The following DNAH14 variants were observed in gnomAD, a reference collection of about 807,000 sequenced individuals.
DNAH14 encodes the protein dynein axonemal heavy chain 14, also known as axonemal beta dynein heavy chain 14.
A neutral mutation model predicts 520.9 loss-of-function variants in DNAH14; 478 were observed. The observed-to-expected ratio is 0.92, with a 90% CI of 0.85 to 0.99. The LOEUF is 0.99. Among genes scored for constraint, DNAH14 ranks in the 50% least tolerant of loss-of-function variants. DNAH14 has a pLI of 0.00. For synonymous variants in DNAH14, 1,581 were observed against 1,757.2 expected, an observed-to-expected ratio of 0.90 and a Z score of 2.51; for missense variants, 4,831 against 5,234.5, an observed-to-expected ratio of 0.92 and a Z score of 2.38.
chr1:225,114,615 C>T (rs1408805954), intron 23 of DNAH14, among the ~76,000 whole-genome samples: 1 of 152,152 alleles, frequency 6.6e-6, no homozygotes, highest in East Asian at 1.9e-4. Flanking sequence ...TGTTTAGAAC[C>T]CTAGACCACT....
intron 17 of DNAH14, among the ~76,000 whole-genome samples, chr1:225,069,811 G>T (rs1280899791): frequency 6.6e-6 from 1 of 152,138 alleles, no homozygotes; most frequent in Non-Finnish European, 1.5e-5. Flanking sequence ...TCATCTGGTA[G>T]AATTCAACTG....
At chr1:225,338,995 C>T (rs1424663686) in intron 68 of DNAH14, among the ~76,000 whole-genome samples, 1 of 152,110 alleles carries the variant, frequency 6.6e-6, no homozygotes, top group Admixed American at 6.5e-5. Flanking sequence ...ATTATTACTC[C>T]TTAGAATTCT....
In DNAH14 at chr1:225,206,962, T is replaced by C. The variant is rs2087654364; in HGVS notation, c.6187-6T>C. 3 of 1,473,704 alleles carry C rather than the reference T, an allele frequency of 2.0e-6. No individual in the cohort carries two copies. The East Asian group carries it at 7.7e-5, about 38-fold the overall frequency. The allele number at this position is 1,473,704 out of a possible 1,614,324, so 91.3% of individuals were successfully genotyped here. A position where few individuals can be genotyped will look rare whatever the true frequency, so the allele number is the denominator to read the frequency against. On this transcript the variant is annotated splice_polypyrimidine_tract_variant and splice_region_variant and intron_variant, in intron 40 of 85. Transcript: ENST00000682510. ...CATAAGATTATATTTTGCTCCTTAT[T>C]ATTAGGATCCTGTTGATCTGGGATG...
intron 22 of DNAH14, among the ~76,000 whole-genome samples, chr1:225,098,304 A>G (rs547403902): frequency 1.3e-5 from 2 of 152,210 alleles, no homozygotes; most frequent in South Asian, 4.1e-4. Context: ...ACACCATACC[A>G]TTCAAATTCA....
At chr1:225,002,561 C>T (rs1267199440) in intron 8 of DNAH14, among the ~76,000 whole-genome samples, 1 of 152,072 alleles carries the variant, frequency 6.6e-6, no homozygotes, top group Non-Finnish European at 1.5e-5. Flanking sequence ...GTTTCCCCCT[C>T]CTATTTTGTT....
chr1:224,989,596 A>C (rs1309730363), intron 8 of DNAH14, among the ~76,000 whole-genome samples: 2 of 152,164 alleles, frequency 1.3e-5, no homozygotes, highest in Non-Finnish European at 2.9e-5. Flanking sequence ...AATTTCCAGC[A>C]TTATGTCGAA....
chr1:225,151,922 A>G, intron 31 of DNAH14, 83 bp from the exon 32 acceptor site: 1 of 1,142,812 alleles, frequency 8.8e-7, no homozygotes, highest in Non-Finnish European at 1.3e-6. Context: ...AGCCTTAATA[A>G]AGCTTCCAAA....
At chr1:224,943,545 T>G (rs1443348312) in intron 1 of DNAH14, among the ~76,000 whole-genome samples, 1 of 152,222 alleles carries the variant, frequency 6.6e-6, no homozygotes, top group South Asian at 2.1e-4. Flanking sequence ...AGCTTTTCAG[T>G]GTGTTTGCTC....
chr1:225,012,361 TTC>T (rs1365504271), intron 10 of DNAH14, among the ~76,000 whole-genome samples: 1 of 152,164 alleles, frequency 6.6e-6, no homozygotes, highest in African/African-American at 2.4e-5. Context: ...AACTCAACCT[TTC>T]TCTCTGGCTG....
At chr1:225,054,734 G>A (rs2068864743) in intron 17 of DNAH14, among the ~76,000 whole-genome samples, 1 of 151,966 alleles carries the variant, frequency 6.6e-6, no homozygotes, top group South Asian at 2.1e-4. Context: ...AACATTATAG[G>A]AATCTTTAAA....
chr1:225,050,354 C>G lies in DNAH14; in HGVS notation c.2057C>G (p.Thr686Arg). The part of the protein sequence containing the change: ...RWPDCHILFE[T>R]DPAYQNIIVN... ...CCAGATTGTCACATCCTTTTTGAAA[C>G]AGATCCTGCCTACCAAAATATAGTA... The change falls in exon 16 of 86, where the codon ACA becomes AGA. Residue 686 changes from threonine to arginine, a missense_variant. By Grantham distance (71) the Thr-to-Arg change is moderately conservative. Transcript: ENST00000682510. 8 of 1,544,340 alleles carry G rather than the reference C, an allele frequency of 5.2e-6. No individual in the cohort carries two copies. Among genetic ancestry groups the G allele is most frequent in the Non-Finnish European group, 7.0e-6 (8 of 1,144,770 alleles).
At chr1:225,339,205 G>A (rs1419219748) in intron 68 of DNAH14, among the ~76,000 whole-genome samples, 2 of 152,090 alleles carry the variant, frequency 1.3e-5, no homozygotes, top group Non-Finnish European at 2.9e-5. Flanking sequence ...CAGCTACATG[G>A]GAGGCTGAGG....
Position 225,059,692 on chromosome 1 carries a change from T to A in DNAH14, c.2424+7897T>A, listed in dbSNP as rs936690929. 5.9e-4 allele frequency among the ~76,000 whole-genome samples: 90 copies of A among 152,304 alleles called. No individual in the cohort carries two copies. The Middle Eastern group carries it at 0.01, about 17-fold the overall frequency. On this transcript the variant is annotated intron_variant, in intron 17 of 85. Transcript: ENST00000682510. ...GTTGTTCCTTTCCATGTTTAGTGCTTCCTTCAGGAGCTCTTTTAGGGCAGG... is the reference window on the plus strand; with the variant it reads ...GTTGTTCCTTTCCATGTTTAGTGCTACCTTCAGGAGCTCTTTTAGGGCAGG...
intron 11 of DNAH14, among the ~76,000 whole-genome samples, chr1:225,029,641 A>T (rs2449312): frequency 0.91 from 137,896 of 151,854 alleles, 64,037 homozygotes; most frequent in East Asian, 1. Context: ...ACAAAGAAGA[A>T]GTTTGGGGTA....
In DNAH14 at chr1:225,145,357, G is replaced by A. The variant is rs769683558; in HGVS notation, c.4772G>A (p.Cys1591Tyr). Residue 1591 changes from cysteine to tyrosine, a missense_variant, in exon 30 of 86, where the codon TGT becomes TAT. Transcript: ENST00000682510. ...SLGKHCVVFN[C>Y]FEDLDYKIVR... Reference sequence around the variant, plus strand: ...GGCAAACATTGTGTGGTCTTCAACTGTTTTGAGGATTTGGATTATAAGGTA... The same window carrying A: ...GGCAAACATTGTGTGGTCTTCAACTATTTTGAGGATTTGGATTATAAGGTA... The A allele has an allele frequency of 6.5e-7, 1 of 1,546,778 alleles. No individual in the cohort carries two copies. The highest frequency in any genetic ancestry group is 1.2e-5 in the South Asian group (1 of 82,594).
intron 5 of DNAH14, among the ~76,000 whole-genome samples, chr1:224,965,833 G>A (rs886664115): frequency 2.6e-5 from 4 of 152,064 alleles, no homozygotes; most frequent in Non-Finnish European, 5.9e-5. Flanking sequence ...GGGCACAGTA[G>A]TTTAAAAACA....
At chr1:224,947,506 CAG>C (rs1171044136) in intron 1 of DNAH14, among the ~76,000 whole-genome samples, 2 of 152,074 alleles carry the variant, frequency 1.3e-5, no homozygotes, top group African/African-American at 2.4e-5. Flanking sequence ...TTTTTCTACT[CAG>C]TAATATTTTG....
Position 224,967,481 on chromosome 1 carries a change from T to C in DNAH14, c.549T>C (p.Ser183=). The C allele has an allele frequency of 6.3e-7, 1 of 1,596,148 alleles. No individual in the cohort carries two copies. The highest frequency in any genetic ancestry group is 8.5e-7 in the Non-Finnish European group (1 of 1,172,734). ...TTGTTTATTGCCTTCCTCGGAAAAG[T>C]CCTAAATCCCTTTACAATCCATATG... ...GEFVYCLPRK[S]PKSLYNPYDL... Residue 183 remains serine (S), a synonymous_variant, in exon 6 of 86, where the codon AGT becomes AGC. Transcript: ENST00000682510.
At chr1:225,226,870 A>G (rs957195568) in intron 41 of DNAH14, among the ~76,000 whole-genome samples, 2 of 152,124 alleles carry the variant, frequency 1.3e-5, no homozygotes, top group Non-Finnish European at 2.9e-5. Context: ...CATGTGAGCA[A>G]AGGACTCTTT....
Sources: gnomAD v4.1 joint callset for allele counts (sites outside exome capture counted in the v4.1 genomes callset) on GRCh38, gnomAD v4.1.1 for gene constraint, MANE v1.5 for transcripts, NCBI Gene and HGNC (gene_info 2026-07-23, HGNC 2026-07-21) for gene names.